PCDH15: variants seen among roughly 807,000 people sequenced by gnomAD.
PCDH15 encodes protocadherin related 15.
A neutral mutation model predicts 178.5 loss-of-function variants in PCDH15; 129 were observed. The ratio of observed to expected loss-of-function variants is 0.72; its 90% CI spans 0.63 to 0.84. The LOEUF (loss-of-function observed/expected upper bound fraction) is 0.84. PCDH15 is among the 40% of genes least tolerant of loss of function. The probability of loss-of-function intolerance (pLI) is 0.00; values close to 1 mark genes in which losing one functional copy is unlikely to be tolerated. For missense variants in PCDH15, 2,230 were observed against 2,099.9 expected, an observed-to-expected ratio of 1.06 and a Z score of -1.21; for synonymous variants, 800 against 732.0, an observed-to-expected ratio of 1.09 and a Z score of -1.50.
At chr10:55,545,278 T>C (rs1449414187) in intron 2 of PCDH15, among the ~76,000 whole-genome samples, 3 of 151,856 alleles carry the variant, frequency 2.0e-5, no homozygotes, top group Non-Finnish European at 4.4e-5. Flanking sequence ...TTCCTTTTTT[T>C]TTTTTTTTAG....
chr10:55,537,102 G>C (rs905987966), intron 2 of PCDH15, among the ~76,000 whole-genome samples: 9 of 151,746 alleles, frequency 5.9e-5, no homozygotes, highest in African/African-American at 1.9e-4. Context: ...GATCATTCCT[G>C]GTAAAAATAT....
intron 2 of PCDH15, among the ~76,000 whole-genome samples, chr10:54,925,930 T>A (rs1837610789): frequency 6.6e-6 from 1 of 152,074 alleles, no homozygotes; most frequent in Non-Finnish European, 1.5e-5. Context: ...TCTATTTGGA[T>A]GTGTTTATTT....
At chr10:54,995,927 T>G (rs2131923116) in intron 2 of PCDH15, among the ~76,000 whole-genome samples, 1 of 152,286 alleles carries the variant, frequency 6.6e-6, no homozygotes, top group South Asian at 2.1e-4. Context: ...ATCCCTAATT[T>G]CAGTTGGTTG....
At chr10:55,465,265 G>A (rs1301720368) in intron 2 of PCDH15, among the ~76,000 whole-genome samples, 1 of 152,134 alleles carries the variant, frequency 6.6e-6, no homozygotes, top group Non-Finnish European at 1.5e-5. Flanking sequence ...ACAGTATGGA[G>A]GCAGTATTTC....
At chr10:55,607,006 A>C (rs1244490207) in intron 2 of PCDH15, among the ~76,000 whole-genome samples, 1 of 151,902 alleles carries the variant, frequency 6.6e-6, no homozygotes, top group Non-Finnish European at 1.5e-5. Flanking sequence ...CATCTGACGA[A>C]GGGCTAATAT....
intron 23 of PCDH15, among the ~76,000 whole-genome samples, 184 bp downstream of exon 23, chr10:53,959,548 T>G (rs566929217): frequency 6.6e-6 from 1 of 152,254 alleles, no homozygotes; most frequent in Non-Finnish European, 1.5e-5. Flanking sequence ...TACTAAAACA[T>G]ATTTTATACT....
intron 13 of PCDH15, among the ~76,000 whole-genome samples, chr10:54,153,744 C>G (rs1420747910): frequency 6.6e-6 from 1 of 152,128 alleles, no homozygotes; most frequent in African/African-American, 2.4e-5. Context: ...TCCTTTTACT[C>G]TCATTTTTCC....
At chr10:55,137,500 ACAAC>A (rs984905668) in intron 2 of PCDH15, among the ~76,000 whole-genome samples, 1 of 151,402 alleles carries the variant, frequency 6.6e-6, no homozygotes, top group Non-Finnish European at 1.5e-5. Context: ...ATTTCTCAGA[ACAAC>A]CTTAAGTGAT....
At chr10:54,094,474 A>T (rs1460553287) in intron 15 of PCDH15, among the ~76,000 whole-genome samples, 1 of 152,080 alleles carries the variant, frequency 6.6e-6, no homozygotes, top group Non-Finnish European at 1.5e-5. Context: ...GGGGAAGAAC[A>T]TTCCAGGAAG....
At chr10:55,367,658 A>G (rs139842597) in intron 2 of PCDH15, among the ~76,000 whole-genome samples, 78 of 152,252 alleles carry the variant, frequency 5.1e-4, no homozygotes, top group African/African-American at 1.5e-3. Context: ...CTATTTTAAC[A>G]TAATGAGCAG....
In PCDH15 at chr10:54,757,276, C is replaced by CTTTTTT; in HGVS notation, c.-29+43643_-29+43648dup. Among the ~76,000 whole-genome samples the CTTTTTT allele has an allele frequency of 1.8e-3, 62 of 34,186 alleles. 3 individuals carry two copies. Among genetic ancestry groups the CTTTTTT allele is most frequent in the Non-Finnish European group, 2.3e-3 (44 of 19,468 alleles). The allele number at this position is 34,186 out of a possible 152,430, so 22.4% of individuals were successfully genotyped here. On this transcript the variant is annotated intron_variant, in intron 1 of 37. Coordinates refer to ENST00000644397, the MANE Select transcript of PCDH15 (RefSeq NM_001384140.1). ...GTTTTTGGCTTGCTCAGAATTCTACCTTTTTTTTTTTTTTTTTTTTTTTTG... is the reference window on the plus strand; with the variant it reads ...GTTTTTGGCTTGCTCAGAATTCTACCTTTTTTTTTTTTTTTTTTTTTTTTTTTTTTG...
intron 9 of PCDH15, among the ~76,000 whole-genome samples, chr10:54,220,833 T>G (rs1296942176): frequency 7.7e-6 from 1 of 129,954 alleles, no homozygotes; most frequent in Non-Finnish European, 1.7e-5. Context: ...TCAAAATAAA[T>G]AAATAAATAA....
rs747927680 is a variant in PCDH15 at position 53,822,651 on chromosome 10, G to C, written c.4368-2421C>G. 5 of 1,614,104 alleles carry C rather than the reference G, an allele frequency of 3.1e-6. No individual in the cohort carries two copies. Among genetic ancestry groups the C allele is most frequent in the Non-Finnish European group, 4.2e-6 (5 of 1,179,996 alleles). On this transcript the variant is annotated intron_variant, in intron 32 of 37. Coordinates refer to ENST00000644397, the MANE Select transcript of PCDH15 (RefSeq NM_001384140.1). ...AAGTTCCAAGGAACACTCAGCAGGA[G>C]AACTGATGACATTAGGTTCTGATTT...
intron 2 of PCDH15, among the ~76,000 whole-genome samples, chr10:54,610,971 A>T (rs1330064829): frequency 6.6e-6 from 1 of 151,788 alleles, no homozygotes; most frequent in African/African-American, 2.4e-5. Flanking sequence ...TTTGCTTCTT[A>T]TACTAGTAAC....
intron 1 of PCDH15, among the ~76,000 whole-genome samples, chr10:54,694,097 A>C (rs1278140857): frequency 1.3e-5 from 2 of 152,262 alleles, no homozygotes; most frequent in East Asian, 3.9e-4. Flanking sequence ...TGATGTACAT[A>C]CATCATTTAG....
At chr10:54,027,322 T>C (rs981891769) in intron 18 of PCDH15, among the ~76,000 whole-genome samples, 5 of 151,290 alleles carry the variant, frequency 3.3e-5, no homozygotes, top group Non-Finnish European at 5.9e-5. Context: ...CATTCCATGC[T>C]CATGGATAGG....
chr10:55,012,188 T>C (rs1564714681), intron 2 of PCDH15, among the ~76,000 whole-genome samples: 1 of 152,096 alleles, frequency 6.6e-6, no homozygotes, highest in Non-Finnish European at 1.5e-5. Flanking sequence ...GTTTCTTGCT[T>C]TATTATTCAT....
At chr10:54,468,894 G>C (rs1490353686) in intron 3 of PCDH15, among the ~76,000 whole-genome samples, 1 of 151,892 alleles carries the variant, frequency 6.6e-6, no homozygotes, top group African/African-American at 2.4e-5. Flanking sequence ...CTTTATAATT[G>C]TATAATAACC....
At chr10:54,337,159 G>T (rs1322447878) in intron 6 of PCDH15, among the ~76,000 whole-genome samples, 2 of 151,812 alleles carry the variant, frequency 1.3e-5, no homozygotes, top group East Asian at 3.9e-4. Flanking sequence ...ATTTTATCTA[G>T]GAAGTAACTA....
Sources: gnomAD v4.1 joint callset for allele counts (sites outside exome capture counted in the v4.1 genomes callset) on GRCh38, gnomAD v4.1.1 for gene constraint, MANE v1.5 for transcripts, NCBI Gene and HGNC (gene_info 2026-07-23, HGNC 2026-07-21) for gene names.